The following GARS1 variants were observed in gnomAD, a reference collection of about 807,000 sequenced individuals.
GARS1 encodes the protein glycine--tRNA ligase.
A neutral mutation model predicts 86.4 loss-of-function variants in GARS1; 46 were observed. The ratio of observed to expected loss-of-function variants is 0.53; its 90% CI spans 0.42 to 0.68. GARS1 has a LOEUF of 0.68. GARS1 is among the 30% of genes least tolerant of loss of function. The probability of loss-of-function intolerance (pLI) is 0.00; values close to 1 mark genes in which losing one functional copy is unlikely to be tolerated. For missense variants in GARS1, 797 were observed against 915.6 expected (o/e 0.87, Z 1.67); for synonymous variants, 342 against 329.8 (o/e 1.04, Z -0.40).
intron 12 of GARS1, chr7:30,622,823 G>A (rs539894952): frequency 4.7e-5 from 14 of 297,560 alleles, no homozygotes; most frequent in Admixed American, 1.4e-4. Flanking sequence ...AGAGAAGGCC[G>A]GGCACAGTGG....
chr7:30,619,154 C>T (rs936883692), intron 10 of GARS1, among the ~76,000 whole-genome samples: 3 of 152,156 alleles, frequency 2.0e-5, no homozygotes, highest in Non-Finnish European at 2.9e-5. Flanking sequence ...GGATATAAAC[C>T]TGGCTGTCTG....
rs1791206761 is a variant in GARS1, at chr7:30,594,908, A to AG, written c.-11dup. 1 of 1,551,058 alleles carries AG rather than the reference A, an allele frequency of 6.4e-7. No homozygotes were observed. Among genetic ancestry groups the AG allele is most frequent in the Non-Finnish European group, 8.7e-7 (1 of 1,154,334 alleles). On this transcript the variant is annotated 5_prime_UTR_variant, in exon 1 of 17. Coordinates refer to ENST00000389266, the MANE Select transcript of GARS1 (RefSeq NM_002047.4). ...CGTCGCCACCCTCTCTGGACAGCCCAGGGCCGCAGGCTCATGCCCTCTCCG... is the reference window on the plus strand; with the variant it reads ...CGTCGCCACCCTCTCTGGACAGCCCAGGGGCCGCAGGCTCATGCCCTCTCCG...
intron 12 of GARS1, among the ~76,000 whole-genome samples, chr7:30,623,083 A>G (rs1203141162): frequency 1.3e-5 from 2 of 150,170 alleles, no homozygotes; most frequent in South Asian, 2.1e-4. Context: ...CCTGGGCAAC[A>G]GAGTGAGACT....
chr7:30,601,022 CAAGGT>C, intron 3 of GARS1, 32 bp from the exon 4 acceptor site: 1 of 1,606,628 alleles, frequency 6.2e-7, no homozygotes, highest in Non-Finnish European at 8.5e-7. Context: ...TTCAGAGTAA[CAAGGT>C]AAAGTATGTG....
chr7:30,607,972 A>G lies in GARS1; in HGVS notation c.736-1613A>G, dbSNP rs190989635. Among the ~76,000 whole-genome samples the G allele has an allele frequency of 4.0e-3, 605 of 152,346 alleles. 3 individuals are homozygous for G. The highest frequency in any genetic ancestry group is 0.014 in the African/African-American group (577 of 41,584). ...TTTTCTCCATTGTGGTTTTCTTCACATAACAAAATATTTCAGAGATTGGTC... is the reference window on the plus strand; with the variant it reads ...TTTTCTCCATTGTGGTTTTCTTCACGTAACAAAATATTTCAGAGATTGGTC... On this transcript the variant is annotated intron_variant, in intron 6 of 16. Transcript: ENST00000389266.
intron 2 of GARS1, among the ~76,000 whole-genome samples, chr7:30,599,527 C>G (rs936038729): frequency 6.6e-6 from 1 of 152,076 alleles, no homozygotes; most frequent in Admixed American, 6.6e-5. Flanking sequence ...CTCAGCCTCC[C>G]AAGTAGCTGG....
intron 4 of GARS1, among the ~76,000 whole-genome samples, 198 bp from the exon 5 acceptor site, chr7:30,602,836 G>T (rs897624449): frequency 6.6e-6 from 1 of 152,228 alleles, no homozygotes; most frequent in East Asian, 1.9e-4. Context: ...AAGGAAGAAT[G>T]TGGGAGAGGG....
chr7:30,615,923 C>T lies in GARS1; in HGVS notation c.1059C>T (p.His353=), dbSNP rs886062273. 2 of 1,614,054 alleles carry T rather than the reference C, an allele frequency of 1.2e-6. No individual in the cohort carries two copies. The highest frequency in any genetic ancestry group is 1.7e-5 in the Admixed American group (1 of 60,002). Residue 353 remains histidine, a synonymous_variant, in exon 9 of 17, where the codon CAC becomes CAT. Transcript: ENST00000389266. ...AATTCACAATGGCAGAAATTGAGCA[C>T]TTTGTAGATCCCAGTGAGAAAGACC... The part of the protein sequence containing the change: ...VREFTMAEIE[H]FVDPSEKDHP...
Position 30,603,050 on chromosome 7 carries a change from G to C in GARS1, c.586G>C (p.Asp196His). 6.2e-7 allele frequency: 1 copy of C among 1,613,732 alleles called. No homozygotes were observed. The highest frequency in any genetic ancestry group is 8.5e-7 in the Non-Finnish European group (1 of 1,179,734). Reference sequence around the variant, plus strand: ...TTAATTTAGGACCTCTGGCCATGTAGACAAATTTGCTGACTTCATGGTGAA... The same window carrying C: ...TTAATTTAGGACCTCTGGCCATGTACACAAATTTGCTGACTTCATGGTGAA... ...EPVLKTSGHV[D>H]KFADFMVKDV... Residue 196 changes from aspartate to histidine, a missense_variant, in exon 5 of 17, where the codon GAC (aspartate) becomes CAC (histidine). Physicochemically the swap from Asp to His is moderately conservative, Grantham distance 81. Coordinates refer to ENST00000389266, the MANE Select transcript of GARS1 (RefSeq NM_002047.4).
intron 1 of GARS1, chr7:30,595,793 G>C (rs1361698933): frequency 2.1e-6 from 1 of 471,108 alleles, no homozygotes; most frequent in East Asian, 6.9e-5. Flanking sequence ...ATCATCCTTT[G>C]CTCTTGTCAT....
At chr7:30,610,030 C>T (rs191753701) in intron 7 of GARS1, among the ~76,000 whole-genome samples, 52 of 152,168 alleles carry the variant, frequency 3.4e-4, no homozygotes, top group African/African-American at 1.0e-3. Flanking sequence ...TTTTAAAAGC[C>T]GTTGAACTTA....
chr7:30,597,981 A>G (rs1791290429), intron 1 of GARS1, among the ~76,000 whole-genome samples: 1 of 152,274 alleles, frequency 6.6e-6, no homozygotes, highest in African/African-American at 2.4e-5. Context: ...AAGTTAATAA[A>G]ATAATTCAGA....
rs1230901575 is a variant in GARS1, at chr7:30,599,985, A to G, written c.363A>G (p.Arg121=). The change falls in exon 3 of 17, where the codon CGA becomes CGG. Residue 121 remains arginine, a synonymous_variant. Transcript: ENST00000389266. ...ALQPKDDIVD[R]AKMEDTLKRR... ...AGCCCAAAGATGATATTGTAGACCGAGCAAAAATGGAAGATACCCTGAAGA... is the reference window on the plus strand; with the variant it reads ...AGCCCAAAGATGATATTGTAGACCGGGCAAAAATGGAAGATACCCTGAAGA... The G allele has an allele frequency of 8.1e-6, 13 of 1,614,018 alleles. No homozygotes were observed. Among genetic ancestry groups the G allele is most frequent in the South Asian group, 1.1e-5 (1 of 91,082 alleles).
chr7:30,609,447 C>T (rs1791549379), intron 6 of GARS1, 138 bp from the exon 7 acceptor site: 4 of 708,026 alleles, frequency 5.6e-6, no homozygotes, highest in African/African-American at 1.8e-5. Context: ...ATGTGGGTGT[C>T]CTGAAGGTTA....
intron 6 of GARS1, among the ~76,000 whole-genome samples, chr7:30,606,058 A>G (rs1376266996): frequency 2.0e-5 from 3 of 151,968 alleles, no homozygotes; most frequent in East Asian, 3.9e-4. Context: ...ACTGTTTTCT[A>G]CTGTCTGGAT....
chr7:30,604,603 G>A (rs898384504), intron 6 of GARS1, among the ~76,000 whole-genome samples: 5 of 151,320 alleles, frequency 3.3e-5, no homozygotes, highest in African/African-American at 7.3e-5. Flanking sequence ...CATTTACATT[G>A]AAAACTTTCT....
chr7:30,600,584 A>G (rs540487292), intron 3 of GARS1, among the ~76,000 whole-genome samples: 1 of 152,376 alleles, frequency 6.6e-6, no homozygotes, highest in Non-Finnish European at 1.5e-5. Flanking sequence ...TTACAACAAC[A>G]TTAGACATAT....
In GARS1 at chr7:30,595,117, C is replaced by A; in HGVS notation, c.196C>A (p.Pro66Thr). The A allele has an allele frequency of 6.5e-7, 1 of 1,539,652 alleles. No homozygotes were observed. Among genetic ancestry groups the A allele is most frequent in the Non-Finnish European group, 8.7e-7 (1 of 1,148,198 alleles). ...DGAGAEEVLAPLRLAVRQQGD... is the reference protein window; with the variant it reads ...DGAGAEEVLATLRLAVRQQGD... ...CGCGGGGGCTGAGGAGGTGCTGGCA[C>A]CTCTGAGGCTAGCAGTGCGCCAGCA... Residue 66 changes from proline (P) to threonine (T), a missense_variant, in exon 1 of 17, where the codon CCT becomes ACT. Physicochemically the swap from Pro to Thr is conservative, Grantham distance 38. Coordinates refer to ENST00000389266, the MANE Select transcript of GARS1 (RefSeq NM_002047.4).
intron 7 of GARS1, 60 bp downstream of exon 7, chr7:30,609,790 A>ACATTG: frequency 1.3e-6 from 2 of 1,542,836 alleles, no homozygotes; most frequent in Non-Finnish European, 1.8e-6. Context: ...TGCTTATATT[A>ACATTG]AAAGGTAAAT....
Sources: gnomAD v4.1 joint callset for allele counts (sites outside exome capture counted in the v4.1 genomes callset) on GRCh38, gnomAD v4.1.1 for gene constraint, MANE v1.5 for transcripts, NCBI Gene and HGNC (gene_info 2026-07-23, HGNC 2026-07-21) for gene names.